The following CNTN3 variants were observed in gnomAD, a reference collection of about 807,000 sequenced individuals.
The protein encoded by CNTN3 is contactin 3, also known as contactin-3.
A neutral mutation model predicts 119.1 loss-of-function variants in CNTN3; 60 were observed. That is an observed-to-expected ratio of 0.50 (90% CI 0.41 to 0.62). CNTN3 has a LOEUF of 0.62. Among genes scored for constraint, CNTN3 ranks in the 20% least tolerant of loss-of-function variants. CNTN3 has a pLI of 0.00. For synonymous variants in CNTN3, 450 were observed against 438.7 expected, an observed-to-expected ratio of 1.03 and a Z score of -0.32; for missense variants, 1,101 against 1,242.4, an observed-to-expected ratio of 0.89 and a Z score of 1.71.
At chr3:74,415,150 C>A (rs1216364278) in intron 5 of CNTN3, among the ~76,000 whole-genome samples, 1 of 152,076 alleles carries the variant, frequency 6.6e-6, no homozygotes, top group Admixed American at 6.6e-5. Context: ...AGCAAGAAGA[C>A]TCGTACGTCT....
At chr3:74,349,138 G>C (rs1029794238) in intron 11 of CNTN3, among the ~76,000 whole-genome samples, 1 of 151,824 alleles carries the variant, frequency 6.6e-6, no homozygotes, top group Admixed American at 6.6e-5. Flanking sequence ...AAAAGTTAAT[G>C]GGAACAGTAG....
intron 1 of CNTN3, among the ~76,000 whole-genome samples, chr3:74,598,712 A>G (rs1191169208): frequency 6.6e-6 from 1 of 152,070 alleles, no homozygotes; most frequent in African/African-American, 2.4e-5. Context: ...TCTACTACAT[A>G]TAAGGCACTA....
chr3:74,583,647 C>A (rs953266191), intron 1 of CNTN3, among the ~76,000 whole-genome samples: 1 of 152,086 alleles, frequency 6.6e-6, no homozygotes, highest in South Asian at 2.1e-4. Flanking sequence ...TCTATGGGTA[C>A]CTGTGACTAG....
At chr3:74,568,207 G>T (rs1704256805) in intron 1 of CNTN3, among the ~76,000 whole-genome samples, 1 of 152,226 alleles carries the variant, frequency 6.6e-6, no homozygotes, top group South Asian at 2.1e-4. Flanking sequence ...AGGAAAACAG[G>T]AATATTCTCA....
rs529815751 is a variant in CNTN3 at position 74,289,492 on chromosome 3, GCCACTGGGTC to G, written c.2518-4011_2518-4002del. 6.8e-4 allele frequency among the ~76,000 whole-genome samples: 104 copies of G among 152,150 alleles called. 3 individuals carry two copies. In the South Asian group the frequency reaches 0.02, roughly 29 times the overall value. On this transcript the variant is annotated intron_variant, in intron 19 of 22. Coordinates refer to ENST00000263665, the MANE Select transcript of CNTN3 (RefSeq NM_020872.3). Reference sequence around the variant, plus strand: ...ATATCAGCATGCATTAGAAATGGTGGCCACTGGGTCCCACACTGGGATTGTGCTACATCAC... The same window carrying G: ...ATATCAGCATGCATTAGAAATGGTGGCCACACTGGGATTGTGCTACATCAC...
chr3:74,607,232 TATTCACCGGA>T, intron 1 of CNTN3, among the ~76,000 whole-genome samples: 1 of 152,168 alleles, frequency 6.6e-6, no homozygotes, highest in Non-Finnish European at 1.5e-5. Flanking sequence ...GCTTTCAGAA[TATTCACCGGA>T]ATTAGTAATT....
intron 11 of CNTN3, among the ~76,000 whole-genome samples, chr3:74,358,033 C>T (rs980061701): frequency 2.6e-5 from 4 of 152,270 alleles, no homozygotes; most frequent in East Asian, 1.9e-4. Flanking sequence ...GTGATGACTG[C>T]GGCCACTCTG....
intron 19 of CNTN3, among the ~76,000 whole-genome samples, chr3:74,289,643 T>C (rs1322349316): frequency 6.6e-6 from 1 of 152,198 alleles, no homozygotes; most frequent in Non-Finnish European, 1.5e-5. Context: ...ATTTTGACAA[T>C]AGCTGCTTTA....
At chr3:74,317,389 G>C (rs2106658913) in intron 13 of CNTN3, among the ~76,000 whole-genome samples, 1 of 152,040 alleles carries the variant, frequency 6.6e-6, no homozygotes, top group Non-Finnish European at 1.5e-5. Context: ...TATGATGTTA[G>C]CTGGTTATTT....
In CNTN3 at chr3:74,276,413, T is replaced by A. The variant is rs190551311; in HGVS notation, c.2704+8892A>T. 3.3e-4 allele frequency among the ~76,000 whole-genome samples: 50 copies of A among 152,146 alleles called. No individual in the cohort carries two copies. In the Middle Eastern group the frequency reaches 0.01, roughly 31 times the overall value. Reference sequence around the variant, plus strand: ...CTATGAAATGAGCTTCAATAAATTTTAAAAAATTGAAATTATATCAAGCAC... The same window carrying A: ...CTATGAAATGAGCTTCAATAAATTTAAAAAAATTGAAATTATATCAAGCAC... On this transcript the variant is annotated intron_variant, in intron 20 of 22. Transcript: ENST00000263665.
chr3:74,544,925 GAAGTAATGGA>G (rs1553680177), intron 1 of CNTN3, among the ~76,000 whole-genome samples: 3 of 152,104 alleles, frequency 2.0e-5, no homozygotes, highest in Non-Finnish European at 4.4e-5. Flanking sequence ...ATAAGATGGG[GAAGTAATGGA>G]AAAATCTTGA....
At chr3:74,434,763 A>G (rs1002267334) in intron 4 of CNTN3, among the ~76,000 whole-genome samples, 1 of 152,234 alleles carries the variant, frequency 6.6e-6, no homozygotes, top group African/African-American at 2.4e-5. Flanking sequence ...CTTAATTTAT[A>G]AATGTTAAAT....
chr3:74,367,194 G>T (rs918990833), intron 8 of CNTN3, among the ~76,000 whole-genome samples: 11 of 151,910 alleles, frequency 7.2e-5, no homozygotes, highest in Admixed American at 4.6e-4. Flanking sequence ...ATGTTAAATA[G>T]AAATTGTAAG....
At chr3:74,271,636 TGA>T (rs1701777915) in intron 20 of CNTN3, among the ~76,000 whole-genome samples, 1 of 152,230 alleles carries the variant, frequency 6.6e-6, no homozygotes, top group Non-Finnish European at 1.5e-5. Context: ...CTTGGCCATC[TGA>T]TGGTAATGAG....
rs201674839 is a variant in CNTN3 at position 74,486,653 on chromosome 3, T to TC, written c.183-23dup. On this transcript the variant is annotated intron_variant, in intron 3 of 22. Coordinates refer to ENST00000263665, the MANE Select transcript of CNTN3 (RefSeq NM_020872.3). ...CCATCTGTAAAACAAATATCAAGGT[T>TC]CCCCCCCCTTAGTATTTTTAACTTA... 450 of 1,487,470 alleles carry TC rather than the reference T, an allele frequency of 3.0e-4. 1 individual carries two copies. Among genetic ancestry groups the TC allele is most frequent in the Admixed American group, 1.1e-3 (42 of 38,078 alleles). The allele number at this position is 1,487,470 out of a possible 1,614,324, so 92.1% of individuals were successfully genotyped here. A position where few individuals can be genotyped will look rare whatever the true frequency, so the allele number is the denominator to read the frequency against.
intron 2 of CNTN3, among the ~76,000 whole-genome samples, chr3:74,507,502 G>A (rs553587565): frequency 4.6e-4 from 69 of 151,386 alleles, no homozygotes; most frequent in African/African-American, 1.6e-3. Context: ...AAGTAGAAAA[G>A]AGCATACTCT....
chr3:74,294,140 T>A (rs1481410437), intron 19 of CNTN3, among the ~76,000 whole-genome samples: 1 of 151,948 alleles, frequency 6.6e-6, no homozygotes, highest in Non-Finnish European at 1.5e-5. Flanking sequence ...GAATCAGGAG[T>A]TACATGCTTC....
intron 1 of CNTN3, among the ~76,000 whole-genome samples, chr3:74,605,106 A>T (rs927346669): frequency 2.0e-5 from 3 of 152,140 alleles, no homozygotes; most frequent in African/African-American, 7.2e-5. Flanking sequence ...GAAATCATAG[A>T]AGTAGAGAAT....
At chr3:74,460,673 C>A (rs2106972135) in intron 4 of CNTN3, among the ~76,000 whole-genome samples, 1 of 149,872 alleles carries the variant, frequency 6.7e-6, no homozygotes, top group East Asian at 2.0e-4. Context: ...TTTTAGGATA[C>A]TTTTGTAGAT....
Sources: allele counts gnomAD v4.1 joint callset (sites outside exome capture counted in the v4.1 genomes callset), GRCh38; gene constraint gnomAD v4.1.1; transcripts MANE v1.5; gene names NCBI Gene and HGNC (gene_info 2026-07-23, HGNC 2026-07-21).